The following R3HDML variants were observed in gnomAD, a reference collection of about 807,000 sequenced individuals.
R3HDML encodes the protein R3H domain containing like.
Under a neutral mutation model 24.2 loss-of-function variants are expected in R3HDML, and 21 were observed. The ratio of observed to expected loss-of-function variants is 0.87; its 90% confidence interval spans 0.62 to 1.25. R3HDML has a LOEUF of 1.25. Ranked by LOEUF, R3HDML falls within the 50% of genes most tolerant of loss-of-function variation. The pLI is 0.00. For synonymous variants in R3HDML, 133 were observed against 131.5 expected (o/e 1.01, Z -0.08); for missense variants, 301 against 340.3 (o/e 0.88, Z 0.91).
chr20:44,339,892 C>G (rs1308193552), intron 1 of R3HDML, among the ~76,000 whole-genome samples: 2 of 152,068 alleles, frequency 1.3e-5, no homozygotes, highest in Admixed American at 1.3e-4. Context: ...AATTCTCGTG[C>G]CTCAGCCTCC....
intron 1 of R3HDML, among the ~76,000 whole-genome samples, chr20:44,340,757 G>T (rs538717955): frequency 6.6e-6 from 1 of 152,114 alleles, no homozygotes; most frequent in Non-Finnish European, 1.5e-5. Context: ...AGTGAGCTGC[G>T]ATCGCACCAC....
rs141983562 is a variant in R3HDML, at chr20:44,350,261, C to A, written c.630-399C>A. On this transcript the variant is annotated intron_variant, in intron 4 of 4. Transcript: ENST00000217043. Reference sequence around the variant, plus strand: ...GGGCACAGTGGCTCATGACTGTAATCTCAGCACTTTGGGAGGCTGAGGCAG... The same window carrying A: ...GGGCACAGTGGCTCATGACTGTAATATCAGCACTTTGGGAGGCTGAGGCAG... Among the ~76,000 whole-genome samples, 810 of 151,604 alleles carry A rather than the reference C, an allele frequency of 5.3e-3. 9 individuals are homozygous for A. The highest frequency in any genetic ancestry group is 0.019 in the African/African-American group (768 of 41,298).
chr20:44,340,090 G>A (rs572018965), intron 1 of R3HDML, among the ~76,000 whole-genome samples: 52 of 152,022 alleles, frequency 3.4e-4, no homozygotes, highest in Non-Finnish European at 6.3e-4. Flanking sequence ...GAATAGCTGG[G>A]ATTATAGGTG....
chr20:44,350,747 C>T lies in R3HDML; in HGVS notation c.717C>T (p.Asn239=). 1.2e-6 allele frequency: 2 copies of T among 1,614,138 alleles called. No individual in the cohort carries two copies. Among genetic ancestry groups the T allele is most frequent in the Non-Finnish European group, 1.7e-6 (2 of 1,180,010 alleles). The change falls in exon 5 of 5, where the codon AAC becomes AAT. Residue 239 remains asparagine (N), a synonymous_variant. Transcript: ENST00000217043. ...PPSYQGSCNS[N]MCFKGLKSNK... ...GTTATCAAGGCAGCTGCAATAGCAA[C>T]ATGTGCTTCAAGGGGCTGAAATCCA...
chr20:44,341,394 C>T, intron 2 of R3HDML, 80 bp downstream of exon 2: 3 of 1,164,114 alleles, frequency 2.6e-6, no homozygotes, highest in Non-Finnish European at 3.7e-6. Context: ...AGGTGCTGCA[C>T]TTGACACTGG....
At chr20:44,339,035 CCTGGATGACAAGAGTGAAA>C (rs2062765210) in intron 1 of R3HDML, among the ~76,000 whole-genome samples, 1 of 149,620 alleles carries the variant, frequency 6.7e-6, no homozygotes, top group African/African-American at 2.5e-5. Flanking sequence ...ATCCAGCCAG[CCTGGATGACAAGAGTGAAA>C]CTCTATCTAA....
At chr20:44,338,831 G>A (rs550336420) in intron 1 of R3HDML, among the ~76,000 whole-genome samples, 3 of 152,184 alleles carry the variant, frequency 2.0e-5, no homozygotes, top group East Asian at 1.9e-4. Flanking sequence ...CAGCACTTTG[G>A]GAGGCCGAGG....
chr20:44,340,760 C>A (rs558720610), intron 1 of R3HDML, among the ~76,000 whole-genome samples: 76 of 152,110 alleles, frequency 5.0e-4, no homozygotes, highest in African/African-American at 1.8e-3. Flanking sequence ...GAGCTGCGAT[C>A]GCACCACTGC....
intron 2 of R3HDML, among the ~76,000 whole-genome samples, chr20:44,343,110 G>T (rs891044207): frequency 1.3e-5 from 2 of 152,126 alleles, no homozygotes; most frequent in Non-Finnish European, 2.9e-5. Flanking sequence ...AAGCTCCCCC[G>T]TCTGAGATGC....
chr20:44,350,562 C>G lies in R3HDML; in HGVS notation c.630-98C>G. 7 of 1,202,724 alleles carry G rather than the reference C, an allele frequency of 5.8e-6. No individual in the cohort carries two copies. In the South Asian group the frequency reaches 1.3e-4, roughly 22 times the overall value. The allele number at this position is 1,202,724 out of a possible 1,614,324, so 74.5% of individuals were successfully genotyped here. The stretch of plus-strand genomic sequence containing the variant: ...CTTGCAGATGTGACTTGCCCCAGGT[C>G]CCCAGGGCTGGTCAGTGGCAGCGCT... On this transcript the variant is annotated intron_variant, in intron 4 of 4. Transcript: ENST00000217043.
Position 44,343,418 on chromosome 20 carries a change from A to C in R3HDML, c.422A>C (p.Glu141Ala), listed in dbSNP as rs1205436306. ...VVDLMKSWSE[E>A]KWHYLFPAPR... ...GATCTCATGAAGTCCTGGTCTGAGG[A>C]GAAGTGGCATTACTTGTTTCCGGCC... The change falls in exon 3 of 5, where the codon GAG becomes GCG. Residue 141 changes from glutamate (E) to alanine (A), a missense_variant. Glu to Ala is a moderately radical substitution (Grantham distance 107, BLOSUM62 -1). Coordinates refer to ENST00000217043, the MANE Select transcript of R3HDML (RefSeq NM_178491.4). 6.2e-7 allele frequency: 1 copy of C among 1,613,076 alleles called. No individual in the cohort carries two copies. The highest frequency in any genetic ancestry group is 8.5e-7 in the Non-Finnish European group (1 of 1,179,588).
Position 44,337,700 on chromosome 20 carries a change from A to G in R3HDML, c.261+282A>G, listed in dbSNP as rs1267157936. Among the ~76,000 whole-genome samples, 1 of 152,066 alleles carries G rather than the reference A, an allele frequency of 6.6e-6. No individual in the cohort carries two copies. The highest frequency in any genetic ancestry group is 2.4e-5 in the African/African-American group (1 of 41,384). On this transcript the variant is annotated intron_variant, in intron 1 of 4. Transcript: ENST00000217043. This position sits in a 1 kb window ranked among gnomAD's most constrained non-coding sequence, Gnocchi z 4.7. ...GCGCCAGGCACTGCACGTGAGTATCATCTCCATTTTCCAGAGGAAGAAACT... is the reference window on the plus strand; with the variant it reads ...GCGCCAGGCACTGCACGTGAGTATCGTCTCCATTTTCCAGAGGAAGAAACT...
At chr20:44,342,657 A>T (rs535591787) in intron 2 of R3HDML, among the ~76,000 whole-genome samples, 4 of 152,356 alleles carry the variant, frequency 2.6e-5, no homozygotes, top group African/African-American at 9.6e-5. Flanking sequence ...GTGTAATAGA[A>T]AAAGCCCTCA....
At chr20:44,338,270 C>G (rs2062763016) in intron 1 of R3HDML, among the ~76,000 whole-genome samples, 1 of 152,144 alleles carries the variant, frequency 6.6e-6, no homozygotes, top group Admixed American at 6.5e-5. Context: ...TCATCGTATC[C>G]ATTGACTTAT....
At chr20:44,348,468 CTCCTTTTCCCTTTCTCCTTTCCTTTCCTT>C (rs1188376115) in intron 4 of R3HDML, among the ~76,000 whole-genome samples, 7 of 128,634 alleles carry the variant, frequency 5.4e-5, no homozygotes, top group Admixed American at 2.3e-4. Context: ...TTTCCCCTTT[CTCCTTTTCCCTTTCTCCTTTCCTTTCCTT>C]TCCTTTCCTT....
In R3HDML at chr20:44,343,376, G is replaced by T; in HGVS notation, c.381-1G>T. ...TTCTTCCGTGTCCCCCGCCTCCCCAGGTACCGGTCCGTAGTGGATCTCATG... is the reference window on the plus strand; with the variant it reads ...TTCTTCCGTGTCCCCCGCCTCCCCATGTACCGGTCCGTAGTGGATCTCATG... On this transcript the variant is annotated splice_acceptor_variant, in intron 2 of 4. Coordinates refer to ENST00000217043, the MANE Select transcript of R3HDML (RefSeq NM_178491.4). LOFTEE classifies it high-confidence loss of function. 1 of 1,607,908 alleles carries T rather than the reference G, an allele frequency of 6.2e-7. No homozygotes were observed. Among genetic ancestry groups the T allele is most frequent in the Non-Finnish European group, 8.5e-7 (1 of 1,177,496 alleles).
chr20:44,348,113 G>A, intron 4 of R3HDML, among the ~76,000 whole-genome samples: 1 of 152,026 alleles, frequency 6.6e-6, no homozygotes, highest in African/African-American at 2.4e-5. Flanking sequence ...AGCATTGAGT[G>A]TTATCAGTAT....
rs2062761019 is a variant in R3HDML, at chr20:44,337,454, G to A, written c.261+36G>A. The stretch of plus-strand genomic sequence containing the variant: ...GTACCTGCCCCCCACCCCCCGCAGT[G>A]TCCCTTCCGGCAAACGCAGCCGGAC... On this transcript the variant is annotated intron_variant, in intron 1 of 4. Coordinates refer to ENST00000217043, the MANE Select transcript of R3HDML (RefSeq NM_178491.4). The surrounding 1 kb of genome is among the most constrained non-coding windows in gnomAD (Gnocchi z 4.7). 1.3e-6 allele frequency: 2 copies of A among 1,590,860 alleles called. No homozygotes were observed. Among genetic ancestry groups the A allele is most frequent in the Non-Finnish European group, 8.6e-7 (1 of 1,163,826 alleles).
chr20:44,342,109 A>C (rs1217537683), intron 2 of R3HDML, among the ~76,000 whole-genome samples: 1 of 152,164 alleles, frequency 6.6e-6, no homozygotes, highest in Non-Finnish European at 1.5e-5. Flanking sequence ...AGCCTAGCTC[A>C]GTTCTTTCCA....
Sources: allele counts gnomAD v4.1 joint callset (sites outside exome capture counted in the v4.1 genomes callset), GRCh38; gene constraint gnomAD v4.1.1; non-coding constraint Gnocchi (gnomAD v3.1); transcripts MANE v1.5; gene names NCBI Gene and HGNC (gene_info 2026-07-23, HGNC 2026-07-21).